Variants in EGFR observed in about 807,000 individuals in gnomAD.
The protein encoded by EGFR is avian erythroblastic leukemia viral (v-erb-b) oncogene homolog.
EGFR carries 58 observed loss-of-function variants against 143.0 expected under a neutral mutation model. That is an observed-to-expected ratio of 0.41 (90% CI 0.33 to 0.50). The LOEUF (loss-of-function observed/expected upper bound fraction) is 0.50, where lower values mean the gene tolerates loss of function less well. EGFR is among the 20% of genes least tolerant of loss of function. The pLI is 0.39. For synonymous variants in EGFR, 613 were observed against 594.4 expected, an observed-to-expected ratio of 1.03 and a Z score of -0.45; for missense variants, 1,307 against 1,579.0, an observed-to-expected ratio of 0.83 and a Z score of 2.92.
In EGFR at chr7:55,205,796, G is replaced by T; in HGVS notation, c.*179G>T. 1 of 875,260 alleles carries T rather than the reference G, an allele frequency of 1.1e-6. No individual in the cohort carries two copies. Among genetic ancestry groups the T allele is most frequent in the Non-Finnish European group, 1.8e-6 (1 of 567,370 alleles). 54.2% of individuals were successfully genotyped at this position (875,260 alleles called of 1,614,324 possible). ...TTCCACCTCGGGCACATTTTGGGAA[G>T]TTGCATTCCTTTGTCTTCAAACTGT... On this transcript the variant is annotated 3_prime_UTR_variant, in exon 28 of 28. Coordinates refer to ENST00000275493, the MANE Select transcript of EGFR (RefSeq NM_005228.5).
chr7:55,137,183 C>T (rs1450486551), intron 1 of EGFR, among the ~76,000 whole-genome samples: 1 of 152,070 alleles, frequency 6.6e-6, no homozygotes, highest in African/African-American at 2.4e-5. Flanking sequence ...CTCGAAGATG[C>T]AAAGGAAGCA....
At chr7:55,185,549 G>C (rs1787095379) in intron 20 of EGFR, among the ~76,000 whole-genome samples, 1 of 152,242 alleles carries the variant, frequency 6.6e-6, no homozygotes, top group Non-Finnish European at 1.5e-5. Context: ...GGACTGCAGA[G>C]TCCTGCCATT....
chr7:55,047,071 C>T (rs564808405), intron 1 of EGFR, among the ~76,000 whole-genome samples: 24 of 152,146 alleles, frequency 1.6e-4, no homozygotes, highest in Middle Eastern at 3.2e-3. Flanking sequence ...TAAAAGTTAC[C>T]GGTACGATAG....
intron 3 of EGFR, among the ~76,000 whole-genome samples, chr7:55,144,372 C>G (rs1247861862): frequency 2.0e-5 from 3 of 152,228 alleles, no homozygotes; most frequent in Non-Finnish European, 4.4e-5. Context: ...AAGTAACTCC[C>G]TTGAGGGCCC....
intron 22 of EGFR, among the ~76,000 whole-genome samples, chr7:55,196,178 A>ATTTT (rs61541412): frequency 2.3e-5 from 2 of 88,126 alleles, no homozygotes; most frequent in African/African-American, 4.9e-5. Context: ...ATGTGTTGGG[A>ATTTT]TTTTTTTTTT....
intron 27 of EGFR, chr7:55,202,931 A>G (rs953905959): frequency 5.6e-5 from 35 of 626,928 alleles, no homozygotes; most frequent in Admixed American, 2.2e-4. Flanking sequence ...TGATGTGTGT[A>G]CATCTGTGTA....
chr7:55,181,064 G>A (rs1786840887), intron 19 of EGFR: 2 of 604,200 alleles, frequency 3.3e-6, no homozygotes, highest in East Asian at 2.8e-5. Flanking sequence ...TCTGTCATGG[G>A]GAATCCCCAG....
At position 55,195,711 on chromosome 7, in the gene EGFR, C is replaced by T. The variant is rs1024238385; in HGVS notation, c.2701+2870C>T. Among the ~76,000 whole-genome samples the T allele has an allele frequency of 2.2e-4, 34 of 152,122 alleles. 1 individual carries two copies. The highest frequency in any genetic ancestry group is 1.6e-3 in the Admixed American group (24 of 15,276). ...TATAGACCCCAGTGTGTGTTGTTCCCCTCTAAGTGTCCATGTGTTCTCATC... is the reference window on the plus strand; with the variant it reads ...TATAGACCCCAGTGTGTGTTGTTCCTCTCTAAGTGTCCATGTGTTCTCATC... On this transcript the variant is annotated intron_variant, in intron 22 of 27. Coordinates refer to ENST00000275493, the MANE Select transcript of EGFR (RefSeq NM_005228.5).
chr7:55,154,430 C>A (rs570292224), intron 7 of EGFR, among the ~76,000 whole-genome samples: 2 of 152,230 alleles, frequency 1.3e-5, no homozygotes, highest in Admixed American at 6.5e-5. Flanking sequence ...GAAACACCTG[C>A]TGCTCAGCCC....
chr7:55,091,880 AC>A, intron 1 of EGFR, among the ~76,000 whole-genome samples: 1 of 146,614 alleles, frequency 6.8e-6, no homozygotes, highest in Non-Finnish European at 1.5e-5. Flanking sequence ...ACACACACAC[AC>A]ACACACACAC....
intron 19 of EGFR, among the ~76,000 whole-genome samples, chr7:55,179,122 G>T (rs558170067): frequency 3.3e-5 from 5 of 152,374 alleles, no homozygotes; most frequent in African/African-American, 1.2e-4. Flanking sequence ...TAGACCCTAA[G>T]CGTGTGCTAG....
chr7:55,160,226 A>G lies in EGFR; in HGVS notation c.1386A>G (p.Ile462Met), dbSNP rs1197924233. Reference protein sequence around the residue: ...SLKEISDGDVIISGNKNLCYA... With the variant: ...SLKEISDGDVMISGNKNLCYA... ...AGGAGATAAGTGATGGAGATGTGAT[A>G]ATTTCAGGAAACAAAAATTTGTGCT... The change falls in exon 12 of 28, where the codon ATA becomes ATG. Residue 462 changes from isoleucine to methionine, a missense_variant. Around this residue, in one of 7 missense-constraint regions of EGFR, gnomAD observed 250 missense variants for 295.1 expected, o/e 0.85. Transcript: ENST00000275493. 49 of 1,614,076 alleles carry G rather than the reference A, an allele frequency of 3.0e-5. No homozygotes were observed. The highest frequency in any genetic ancestry group is 3.6e-5 in the Non-Finnish European group (43 of 1,180,050).
At position 55,050,671 on chromosome 7, in the gene EGFR, G is replaced by A. The variant is rs550339851; in HGVS notation, c.88+31306G>A. Among the ~76,000 whole-genome samples, 228 of 152,220 alleles carry A rather than the reference G, an allele frequency of 1.5e-3. 1 individual carries two copies. Among genetic ancestry groups the A allele is most frequent in the African/African-American group, 5.2e-3 (215 of 41,536 alleles). On this transcript the variant is annotated intron_variant, in intron 1 of 27. Coordinates refer to ENST00000275493, the MANE Select transcript of EGFR (RefSeq NM_005228.5). Reference sequence around the variant, plus strand: ...CCAGTCTCCCCTGTAGGTCTCTCCCGCCAGCCCTGCTCAGTCTTCTTGCTT... The same window carrying A: ...CCAGTCTCCCCTGTAGGTCTCTCCCACCAGCCCTGCTCAGTCTTCTTGCTT...
At chr7:55,037,118 C>T (rs1787629841) in intron 1 of EGFR, among the ~76,000 whole-genome samples, 1 of 152,220 alleles carries the variant, frequency 6.6e-6, no homozygotes, top group Non-Finnish European at 1.5e-5. Context: ...ATTATGCAAC[C>T]ATAAATGATG....
At chr7:55,117,730 C>T (rs989446221) in intron 1 of EGFR, among the ~76,000 whole-genome samples, 1 of 152,198 alleles carries the variant, frequency 6.6e-6, no homozygotes, top group Non-Finnish European at 1.5e-5. Flanking sequence ...AAGACCAAGT[C>T]TCCCGAGGGT....
intron 1 of EGFR, among the ~76,000 whole-genome samples, chr7:55,131,329 A>G (rs1793821221): frequency 6.6e-6 from 1 of 151,540 alleles, no homozygotes; most frequent in Non-Finnish European, 1.5e-5. Context: ...TGACATGAAC[A>G]TAAACTACTG....
intron 1 of EGFR, among the ~76,000 whole-genome samples, chr7:55,071,119 C>T (rs1789797622): frequency 6.6e-6 from 1 of 152,142 alleles, no homozygotes; most frequent in South Asian, 2.1e-4. Context: ...AAAGCCCAGC[C>T]CTGACACTGA....
chr7:55,192,967 T>A, intron 22 of EGFR, 126 bp downstream of exon 22: 1 of 870,016 alleles, frequency 1.1e-6, no homozygotes, highest in Non-Finnish European at 1.9e-6. Flanking sequence ...AATGATAATG[T>A]AATCATTGCT....
At chr7:55,177,085 G>A (rs1309413953) in intron 19 of EGFR, among the ~76,000 whole-genome samples, 1 of 151,580 alleles carries the variant, frequency 6.6e-6, no homozygotes, top group Non-Finnish European at 1.5e-5. Flanking sequence ...TCTTCACTGC[G>A]GCCATGTCCC....
Sources: allele counts gnomAD v4.1 joint callset (sites outside exome capture counted in the v4.1 genomes callset), GRCh38; gene constraint gnomAD v4.1.1; regional missense constraint gnomAD v4.1.1; transcripts MANE v1.5; gene names NCBI Gene and HGNC (gene_info 2026-07-23, HGNC 2026-07-21).